Variants in TBC1D5 observed in about 807,000 individuals in gnomAD.
TBC1D5 encodes the protein TBC1 domain family member 5, also known as TBC1 domain family, member 5.
Under a neutral mutation model 100.3 loss-of-function variants are expected in TBC1D5, and 75 were observed. The observed-to-expected ratio is 0.75, with a 90% CI of 0.62 to 0.91. The LOEUF is 0.91. Among genes scored for constraint, TBC1D5 ranks in the 40% least tolerant of loss-of-function variants. The pLI, the probability that TBC1D5 is intolerant of heterozygous loss-of-function variation, is 0.00. For missense variants in TBC1D5, 910 were observed against 942.4 expected, an observed-to-expected ratio of 0.97 and a Z score of 0.45; for synonymous variants, 323 against 325.6, an observed-to-expected ratio of 0.99 and a Z score of 0.09.
intron 16 of TBC1D5, among the ~76,000 whole-genome samples, chr3:17,251,091 G>A (rs926010672): frequency 5.3e-5 from 8 of 152,118 alleles, no homozygotes; most frequent in Admixed American, 1.3e-4. Context: ...GAGGGAGTAC[G>A]AATGGAAACA....
intron 2 of TBC1D5, among the ~76,000 whole-genome samples, chr3:17,571,453 G>A (rs1020037803): frequency 1.4e-4 from 21 of 151,832 alleles, no homozygotes; most frequent in African/African-American, 4.1e-4. Flanking sequence ...TTAAGTTCTC[G>A]TATTCCTGAA....
chr3:17,315,819 A>AG (rs993138302), intron 13 of TBC1D5, among the ~76,000 whole-genome samples: 2 of 152,156 alleles, frequency 1.3e-5, no homozygotes, highest in Non-Finnish European at 1.5e-5. Flanking sequence ...CAAAGTAGCC[A>AG]GGGGAAAGAT....
At chr3:17,189,273 A>G (rs1458081622) in intron 18 of TBC1D5, among the ~76,000 whole-genome samples, 3 of 152,258 alleles carry the variant, frequency 2.0e-5, no homozygotes, top group Non-Finnish European at 4.4e-5. Flanking sequence ...GTTGGAAAAC[A>G]TTAGTTTCTG....
At chr3:17,273,902 G>C (rs935489994) in intron 15 of TBC1D5, among the ~76,000 whole-genome samples, 2 of 151,262 alleles carry the variant, frequency 1.3e-5, no homozygotes, top group African/African-American at 4.9e-5. Context: ...ATTGTTCATG[G>C]CTTACAGCTA....
At chr3:17,187,835 C>T (rs1225875842) in intron 18 of TBC1D5, among the ~76,000 whole-genome samples, 1 of 152,156 alleles carries the variant, frequency 6.6e-6, no homozygotes, top group Non-Finnish European at 1.5e-5. Context: ...CCAGAGTGGA[C>T]CAAGGGCACA....
chr3:17,262,494 T>C (rs1468166281), intron 15 of TBC1D5, among the ~76,000 whole-genome samples: 1 of 150,650 alleles, frequency 6.6e-6, no homozygotes, highest in Non-Finnish European at 1.5e-5. Flanking sequence ...TTTTTTTTTT[T>C]TTTTTGAGAC....
chr3:17,322,891 C>T (rs910330174), intron 13 of TBC1D5, among the ~76,000 whole-genome samples: 1 of 152,062 alleles, frequency 6.6e-6, no homozygotes, highest in African/African-American at 2.4e-5. Flanking sequence ...GTTAGTATAC[C>T]CATGAAAAAT....
intron 18 of TBC1D5, among the ~76,000 whole-genome samples, chr3:17,206,476 T>A (rs2072200651): frequency 6.6e-6 from 1 of 152,176 alleles, no homozygotes; most frequent in South Asian, 2.1e-4. Flanking sequence ...AGAGTCTGCT[T>A]TCAAATTCGT....
upstream of TBC1D5, among the ~76,000 whole-genome samples, chr3:17,742,075 G>A (rs1464036337): frequency 1.3e-5 from 2 of 152,164 alleles, no homozygotes; most frequent in African/African-American, 2.4e-5. Context: ...GCCAGGCCCT[G>A]CCTTTACTGC....
chr3:17,528,382 C>T (rs1030784541), intron 2 of TBC1D5, among the ~76,000 whole-genome samples: 41 of 152,154 alleles, frequency 2.7e-4, no homozygotes, highest in African/African-American at 8.9e-4. Flanking sequence ...GAGGATACAA[C>T]ATTAATCCCT....
chr3:17,487,043 G>A lies in TBC1D5; in HGVS notation c.97+21431C>T, dbSNP rs541888356. Among the ~76,000 whole-genome samples the A allele has an allele frequency of 5.9e-5, 9 of 152,164 alleles. No homozygotes were observed. The East Asian group carries it at 7.7e-4, about 13-fold the overall frequency. On this transcript the variant is annotated intron_variant, in intron 3 of 21. Transcript: ENST00000253692. ...ACATAGTGATAGTTAATTCTACAAC[G>A]GTGGTCAACAAACTAAAGCCAATTG...
intron 13 of TBC1D5, among the ~76,000 whole-genome samples, chr3:17,368,698 A>G (rs1394602459): frequency 6.6e-6 from 1 of 151,060 alleles, no homozygotes; most frequent in Non-Finnish European, 1.5e-5. Flanking sequence ...TTCTTTTTAA[A>G]TTTTTCATTT....
At position 17,521,667 on chromosome 3, in the gene TBC1D5, A is replaced by T. The variant is rs761999030; in HGVS notation, c.-35-13062T>A. On this transcript the variant is annotated intron_variant, in intron 2 of 21. Transcript: ENST00000253692. The stretch of plus-strand genomic sequence containing the variant: ...CGTAAGTGCATAATTTGGGGGGGGA[A>T]ATCCAAAGAAAATGTGAACTTTGTT... Among the ~76,000 whole-genome samples, 32 of 152,094 alleles carry T rather than the reference A, an allele frequency of 2.1e-4. 1 individual carries two copies. The highest frequency in any genetic ancestry group is 1.5e-3 in the Admixed American group (23 of 15,268).
At chr3:17,368,552 T>C (rs901903140) in intron 13 of TBC1D5, among the ~76,000 whole-genome samples, 1 of 152,028 alleles carries the variant, frequency 6.6e-6, no homozygotes, top group Admixed American at 6.6e-5. Flanking sequence ...CTAACACTTT[T>C]CCCCCATGTA....
chr3:17,642,912 TTCAA>T (rs2064664501), intron 1 of TBC1D5, among the ~76,000 whole-genome samples: 1 of 152,112 alleles, frequency 6.6e-6, no homozygotes, highest in African/African-American at 2.4e-5. Context: ...CCACATAACC[TTCAA>T]TTAGGTTTTT....
chr3:17,718,490 G>A (rs1421417253), intron 1 of TBC1D5, among the ~76,000 whole-genome samples: 1 of 152,060 alleles, frequency 6.6e-6, no homozygotes, highest in Non-Finnish European at 1.5e-5. Flanking sequence ...CCAGCTACTC[G>A]GGAGGCTGAG....
intron 1 of TBC1D5, among the ~76,000 whole-genome samples, chr3:17,628,371 A>AG (rs199716607): frequency 1.3e-4 from 20 of 150,188 alleles, no homozygotes; most frequent in Admixed American, 4.0e-4. Context: ...ACTCTGTCTT[A>AG]GGAAAAAAAA....
intron 1 of TBC1D5, among the ~76,000 whole-genome samples, chr3:17,693,595 G>A (rs527507063): frequency 2.8e-4 from 43 of 152,368 alleles, no homozygotes; most frequent in African/African-American, 7.7e-4. Context: ...CGAACTGGGC[G>A]GAGCCCACTG....
chr3:17,496,910 T>G (rs1334909464), intron 3 of TBC1D5, among the ~76,000 whole-genome samples: 5 of 152,142 alleles, frequency 3.3e-5, no homozygotes, highest in African/African-American at 4.8e-5. Context: ...ACAAAAACCT[T>G]CTACCTGGCC....
Sources: allele counts gnomAD v4.1 joint callset (sites outside exome capture counted in the v4.1 genomes callset), GRCh38; gene constraint gnomAD v4.1.1; transcripts MANE v1.5; gene names NCBI Gene and HGNC (gene_info 2026-07-23, HGNC 2026-07-21).